The following FYB1 variants were observed in gnomAD, a reference collection of about 807,000 sequenced individuals.
FYB1 encodes the protein FYN-binding protein 1.
Under a neutral mutation model 94.1 loss-of-function variants are expected in FYB1, and 41 were observed. That is an observed-to-expected ratio of 0.44 (90% CI 0.34 to 0.57). The LOEUF (loss-of-function observed/expected upper bound fraction) is 0.57, where lower values mean the gene tolerates loss of function less well. Ranked by LOEUF, FYB1 falls within the 20% of genes least tolerant of loss-of-function variation. The pLI, the probability that FYB1 is intolerant of heterozygous loss-of-function variation, is 0.02. For missense variants in FYB1, 1,050 were observed against 976.8 expected (o/e 1.07, Z -1.00); for synonymous variants, 367 against 353.2 (o/e 1.04, Z -0.44).
At position 39,261,325 on chromosome 5, in the gene FYB1, T is replaced by C. The variant is rs1276071883; in HGVS notation, c.-28+13078A>G. Among the ~76,000 whole-genome samples, 37 of 79,846 alleles carry C rather than the reference T, an allele frequency of 4.6e-4. 2 individuals are homozygous for C. In the East Asian group the frequency reaches 4.7e-3, roughly 10 times the overall value. The allele number at this position is 79,846 out of a possible 152,430, so 52.4% of individuals were successfully genotyped here. On this transcript the variant is annotated intron_variant, in intron 1 of 1. Coordinates refer to the FYB1 transcript ENST00000510188. Reference sequence around the variant, plus strand: ...AGAATTAAAAAAAAAAAAAAGAACGTGTGTAGATTAAGACACACACACACA... The same window carrying C: ...AGAATTAAAAAAAAAAAAAAGAACGCGTGTAGATTAAGACACACACACACA...
chr5:39,107,103 A>AT lies in FYB1; in HGVS notation c.*339dup, dbSNP rs1738586439. ...TAGACAGGTCATTTCTTCCTGAATG[A>AT]TTTTCCTTTTTCTTTTATTTTTATT... On this transcript the variant is annotated 3_prime_UTR_variant, in exon 19 of 19. Coordinates refer to ENST00000512982, the MANE Select transcript of FYB1 (RefSeq NM_001465.6). 1 of 167,102 alleles carries AT rather than the reference A, an allele frequency of 6.0e-6. No homozygotes were observed. Among genetic ancestry groups the AT allele is most frequent in the African/African-American group, 2.4e-5 (1 of 41,980 alleles). 10.4% of individuals were successfully genotyped at this position (167,102 alleles called of 1,614,324 possible).
At chr5:39,254,608 G>A (rs1751856957) in intron 1 of FYB1, among the ~76,000 whole-genome samples, 1 of 152,172 alleles carries the variant, frequency 6.6e-6, no homozygotes, top group African/African-American at 2.4e-5. Flanking sequence ...TACTTATTAA[G>A]TTAGAAGCAT....
At chr5:39,211,151 G>A (rs1749335219) in intron 1 of FYB1, 1 of 152,106 alleles carries the variant, frequency 6.6e-6, no homozygotes, top group Admixed American at 6.5e-5. Context: ...TAACGAACTT[G>A]TAGATAATTG....
intron 4 of FYB1, among the ~76,000 whole-genome samples, chr5:39,140,627 C>A (rs1580366729): frequency 2.0e-5 from 3 of 152,166 alleles, no homozygotes; most frequent in East Asian, 3.9e-4. Flanking sequence ...GGGATGAATA[C>A]AAGAAGGTGT....
At chr5:39,113,337 G>A (rs1046433771) in intron 16 of FYB1, among the ~76,000 whole-genome samples, 21 of 152,106 alleles carry the variant, frequency 1.4e-4, no homozygotes, top group Non-Finnish European at 3.1e-4. Flanking sequence ...TATGTTTAGC[G>A]CTGTAATATT....
At chr5:39,123,133 T>G (rs1740284753) in intron 13 of FYB1, among the ~76,000 whole-genome samples, 1 of 152,160 alleles carries the variant, frequency 6.6e-6, no homozygotes, top group Non-Finnish European at 1.5e-5. Flanking sequence ...TCAATGAAGC[T>G]GAAGAGATTG....
chr5:39,243,283 T>G lies in FYB1; in HGVS notation c.-28+31120A>C, dbSNP rs1352074404. ...GTTTTTATGGTTTTAGGTCTAACATTTAAGTCTTTAATCCATCTTGAATTA... is the reference window on the plus strand; with the variant it reads ...GTTTTTATGGTTTTAGGTCTAACATGTAAGTCTTTAATCCATCTTGAATTA... On this transcript the variant is annotated intron_variant, in intron 1 of 1. Transcript: ENST00000510188. Among the ~76,000 whole-genome samples, 35 of 152,126 alleles carry G rather than the reference T, an allele frequency of 2.3e-4. 1 individual carries two copies. The South Asian group carries it at 5.2e-3, about 23-fold the overall frequency.
intron 2 of FYB1, among the ~76,000 whole-genome samples, chr5:39,192,246 C>G (rs948477249): frequency 6.6e-6 from 1 of 152,174 alleles, no homozygotes; most frequent in Non-Finnish European, 1.5e-5. Flanking sequence ...TTATTATACT[C>G]ATATGTATTT....
intron 1 of FYB1, among the ~76,000 whole-genome samples, chr5:39,203,892 T>A (rs370442971): frequency 1.8e-4 from 27 of 152,322 alleles, no homozygotes; most frequent in South Asian, 1.5e-3. Context: ...AATCCCATTT[T>A]ACCTGGGAAA....
At chr5:39,209,350 G>A (rs546294022) in intron 1 of FYB1, among the ~76,000 whole-genome samples, 119 of 147,984 alleles carry the variant, frequency 8.0e-4, no homozygotes, top group Non-Finnish European at 1.3e-3. Context: ...TTTTTGAGAC[G>A]GAGCCTCCCT....
At chr5:39,148,281 C>T (rs1167363318) in intron 3 of FYB1, among the ~76,000 whole-genome samples, 2 of 137,738 alleles carry the variant, frequency 1.5e-5, no homozygotes, top group South Asian at 4.7e-4. Context: ...TGGCTCACCT[C>T]GGCCTCCCAA....
chr5:39,245,055 C>A (rs1368902633), intron 1 of FYB1, among the ~76,000 whole-genome samples: 9 of 151,686 alleles, frequency 5.9e-5, no homozygotes, highest in Non-Finnish European at 1.2e-4. Context: ...GTCTTGCTAG[C>A]GGTCTATCAA....
At chr5:39,271,335 A>G (rs1353870056) in intron 1 of FYB1, among the ~76,000 whole-genome samples, 1 of 152,216 alleles carries the variant, frequency 6.6e-6, no homozygotes, top group Non-Finnish European at 1.5e-5. Context: ...GATCCCAAGT[A>G]GTCAGACTTT....
At chr5:39,155,011 C>A (rs928294246) in intron 2 of FYB1, among the ~76,000 whole-genome samples, 1 of 151,802 alleles carries the variant, frequency 6.6e-6, no homozygotes, top group Admixed American at 6.6e-5. Flanking sequence ...TTAACTGGAC[C>A]AACTGAATGT....
chr5:39,194,037 T>C (rs927416581), intron 2 of FYB1, among the ~76,000 whole-genome samples: 7 of 152,182 alleles, frequency 4.6e-5, no homozygotes, highest in Admixed American at 4.6e-4. Flanking sequence ...CCTGAGAGAA[T>C]ACTGATAAAA....
At chr5:39,240,080 C>T (rs948228720) in intron 1 of FYB1, among the ~76,000 whole-genome samples, 1 of 152,148 alleles carries the variant, frequency 6.6e-6, no homozygotes, top group Non-Finnish European at 1.5e-5. Context: ...GAGGAAAGGA[C>T]TCCATATTCA....
chr5:39,165,398 T>C (rs1001925124), intron 2 of FYB1, among the ~76,000 whole-genome samples: 2 of 151,780 alleles, frequency 1.3e-5, no homozygotes, highest in African/African-American at 4.9e-5. Context: ...GAAATGATAC[T>C]CTATTCAATA....
intron 16 of FYB1, among the ~76,000 whole-genome samples, chr5:39,112,767 G>C (rs1739184916): frequency 6.6e-6 from 1 of 152,028 alleles, no homozygotes; most frequent in Admixed American, 6.6e-5. Flanking sequence ...CATTCTCTTA[G>C]ATTCTCAACC....
At chr5:39,137,328 T>A in intron 7 of FYB1, 1 of 291,190 alleles carries the variant, frequency 3.4e-6, no homozygotes, top group Non-Finnish European at 6.5e-6. Context: ...CAAGATGGGT[T>A]TGAAAAGGTA....
Sources: allele counts gnomAD v4.1 joint callset (sites outside exome capture counted in the v4.1 genomes callset), GRCh38; gene constraint gnomAD v4.1.1; transcripts MANE v1.5; gene names NCBI Gene and HGNC (gene_info 2026-07-23, HGNC 2026-07-21).